AGPAT5: variants seen among roughly 807,000 people sequenced by gnomAD.
AGPAT5 encodes 1-acyl-sn-glycerol-3-phosphate acyltransferase epsilon.
Under a neutral mutation model 45.6 loss-of-function variants are expected in AGPAT5, and 46 were observed. The ratio of observed to expected loss-of-function variants is 1.01; its 90% CI spans 0.80 to 1.29. The LOEUF is 1.29. AGPAT5 is among the 50% of genes most tolerant of loss of function. The probability of loss-of-function intolerance (pLI) is 0.00; values close to 1 mark genes in which losing one functional copy is unlikely to be tolerated. For synonymous variants in AGPAT5, 272 were observed against 167.0 expected, an observed-to-expected ratio of 1.63 and a Z score of -4.85; for missense variants, 673 against 450.7, an observed-to-expected ratio of 1.49 and a Z score of -4.47.
Position 6,761,049 on chromosome 8 carries a change from A to T in AGPAT5, c.*3661A>T, listed in dbSNP as rs1316053304. On this transcript the variant is annotated 3_prime_UTR_variant, in exon 8 of 8. Transcript: ENST00000285518. ...CTATTCCTGTAGCAACTGGGGAGTC[A>T]TATATGAGGTCAAAGACATATACCT... 7.2e-5 allele frequency among the ~76,000 whole-genome samples: 11 copies of T among 152,220 alleles called. No individual in the cohort carries two copies. The highest frequency in any genetic ancestry group is 7.2e-4 in the Admixed American group (11 of 15,274).
At chr8:6,746,979 C>A (rs1459315293) in intron 5 of AGPAT5, among the ~76,000 whole-genome samples, 2 of 152,138 alleles carry the variant, frequency 1.3e-5, no homozygotes, top group Admixed American at 6.5e-5. Context: ...GCTAAAGAAC[C>A]TTTTAAAAAT....
At chr8:6,750,200 G>T (rs760132881) in intron 6 of AGPAT5, among the ~76,000 whole-genome samples, 85 of 152,188 alleles carry the variant, frequency 5.6e-4, no homozygotes, top group Non-Finnish European at 9.8e-4. Context: ...GATGGCGTGT[G>T]TTACAGTGCT....
rs1237904420 is a variant in AGPAT5 at position 6,760,970 on chromosome 8, C to T, written c.*3582C>T. Among the ~76,000 whole-genome samples, 2 of 152,102 alleles carry T rather than the reference C, an allele frequency of 1.3e-5. No homozygotes were observed. The highest frequency in any genetic ancestry group is 1.9e-4 in the East Asian group (1 of 5,202). On this transcript the variant is annotated 3_prime_UTR_variant, in exon 8 of 8. Coordinates refer to ENST00000285518, the MANE Select transcript of AGPAT5 (RefSeq NM_018361.5). ...TCAGTTTAGAGTAGCTACAACTCTTCGATACTATCATCAATATTTGACATC... is the reference window on the plus strand; with the variant it reads ...TCAGTTTAGAGTAGCTACAACTCTTTGATACTATCATCAATATTTGACATC...
intron 1 of AGPAT5, among the ~76,000 whole-genome samples, chr8:6,723,185 A>G (rs560009437): frequency 5.7e-4 from 86 of 152,168 alleles, no homozygotes; most frequent in Non-Finnish European, 1.0e-3. Context: ...AATTCAGTAA[A>G]CATCTGTTAA....
intron 5 of AGPAT5, among the ~76,000 whole-genome samples, chr8:6,742,828 T>C (rs2928576): frequency 0.76 from 115,149 of 152,090 alleles, 44,754 homozygotes; most frequent in African/African-American, 0.93. Context: ...GTAAGGAGTG[T>C]TTCAGAATAG....
chr8:6,717,367 G>A (rs540717498), intron 1 of AGPAT5, among the ~76,000 whole-genome samples: 32 of 152,228 alleles, frequency 2.1e-4, no homozygotes, highest in Non-Finnish European at 3.4e-4. Flanking sequence ...TTCCAGGGGC[G>A]GAAAGAAAGG....
chr8:6,746,581 G>A (rs1241006423), intron 5 of AGPAT5, among the ~76,000 whole-genome samples: 2 of 152,132 alleles, frequency 1.3e-5, no homozygotes, highest in African/African-American at 2.4e-5. Context: ...AGCTTGGTGT[G>A]CGATTGAGAT....
chr8:6,727,641 A>G (rs956360431), intron 2 of AGPAT5, among the ~76,000 whole-genome samples: 11 of 152,302 alleles, frequency 7.2e-5, no homozygotes, highest in Non-Finnish European at 4.4e-5. Flanking sequence ...TCGGCCTCCC[A>G]AAGTGCAGGG....
At chr8:6,728,532 C>G (rs1236384373) in intron 2 of AGPAT5, among the ~76,000 whole-genome samples, 3 of 152,210 alleles carry the variant, frequency 2.0e-5, no homozygotes, top group Non-Finnish European at 4.4e-5. Context: ...GGAAATCTTA[C>G]ACTTTCTCTT....
intron 7 of AGPAT5, among the ~76,000 whole-genome samples, chr8:6,756,852 A>T (rs879942593): frequency 6.6e-6 from 1 of 152,210 alleles, no homozygotes; most frequent in African/African-American, 2.4e-5. Context: ...GTTATTAGCC[A>T]TTTGTGAGTC....
intron 1 of AGPAT5, among the ~76,000 whole-genome samples, chr8:6,715,475 TGA>T (rs1339424945): frequency 1.3e-5 from 2 of 152,210 alleles, no homozygotes; most frequent in Non-Finnish European, 2.9e-5. Context: ...TCGCAGTTAG[TGA>T]GTGCTGCTGT....
rs373925319 is a variant in AGPAT5, at chr8:6,727,371, TTTTGACAACAC to T, written c.289+2437_289+2447del. Reference sequence around the variant, plus strand: ...TTCCCCTTATCCTTCAACTATCTACTTTTGACAACACTTTGCCTTTTTTTTTTTGAGATGGA... The same window carrying T: ...TTCCCCTTATCCTTCAACTATCTACTTTTGCCTTTTTTTTTTTGAGATGGA... On this transcript the variant is annotated intron_variant, in intron 2 of 7. Coordinates refer to ENST00000285518, the MANE Select transcript of AGPAT5 (RefSeq NM_018361.5). 6.8e-3 allele frequency among the ~76,000 whole-genome samples: 1,033 copies of T among 152,230 alleles called. 10 individuals carry two copies. The highest frequency in any genetic ancestry group is 0.024 in the African/African-American group (1,005 of 41,534).
Position 6,760,590 on chromosome 8 carries a change from A to T in AGPAT5, c.*3202A>T, listed in dbSNP as rs529102700. Among the ~76,000 whole-genome samples, 49 of 152,318 alleles carry T rather than the reference A, an allele frequency of 3.2e-4. No homozygotes were observed. In the South Asian group the frequency reaches 5.6e-3, roughly 17 times the overall value. On this transcript the variant is annotated 3_prime_UTR_variant, in exon 8 of 8. Transcript: ENST00000285518. The stretch of plus-strand genomic sequence containing the variant: ...TTGTTTTTAGTAGTGTTTAGATTGA[A>T]GATTGAGTGAAATATTTTCTTGGCA...
intron 4 of AGPAT5, among the ~76,000 whole-genome samples, chr8:6,740,036 T>C (rs1801191630): frequency 6.6e-6 from 1 of 152,138 alleles, no homozygotes; most frequent in Non-Finnish European, 1.5e-5. Context: ...GGACCATATG[T>C]GTTGTTATCC....
intron 2 of AGPAT5, 51 bp from the exon 3 acceptor site, chr8:6,730,660 A>G (rs375065662): frequency 8.2e-7 from 1 of 1,224,252 alleles, no homozygotes; most frequent in Non-Finnish European, 1.2e-6. Flanking sequence ...CATTCATAGT[A>G]CAACCTGTGA....
chr8:6,748,139 C>G lies in AGPAT5; in HGVS notation c.745+311C>G, dbSNP rs750784430. On this transcript the variant is annotated intron_variant, in intron 6 of 7. Coordinates refer to ENST00000285518, the MANE Select transcript of AGPAT5 (RefSeq NM_018361.5). Reference sequence around the variant, plus strand: ...GAGGAAGACGTGAAGAAGGAGCACGCCCGGCAGTACTGAGTGCACGTTATT... The same window carrying G: ...GAGGAAGACGTGAAGAAGGAGCACGGCCGGCAGTACTGAGTGCACGTTATT... Among the ~76,000 whole-genome samples the G allele has an allele frequency of 1.3e-3, 200 of 152,240 alleles. 3 individuals carry two copies. The highest frequency in any genetic ancestry group is 2.3e-3 in the Non-Finnish European group (157 of 68,022).
chr8:6,715,367 G>T (rs147939860), intron 1 of AGPAT5, among the ~76,000 whole-genome samples: 140 of 152,244 alleles, frequency 9.2e-4, no homozygotes, highest in African/African-American at 3.3e-3. Context: ...TGGATGTTAA[G>T]ATTGAAAAGA....
At chr8:6,735,022 G>C (rs1015579864) in intron 4 of AGPAT5, among the ~76,000 whole-genome samples, 9 of 152,094 alleles carry the variant, frequency 5.9e-5, no homozygotes, top group African/African-American at 2.2e-4. Context: ...TCGCTAGTTT[G>C]GTGGTAGAAG....
chr8:6,718,773 G>C lies in AGPAT5; in HGVS notation c.220-6097G>C, dbSNP rs555991254. 3.3e-5 allele frequency among the ~76,000 whole-genome samples: 5 copies of C among 152,334 alleles called. No homozygotes were observed. The South Asian group carries it at 6.2e-4, about 19-fold the overall frequency. On this transcript the variant is annotated intron_variant, in intron 1 of 7. Coordinates refer to ENST00000285518, the MANE Select transcript of AGPAT5 (RefSeq NM_018361.5). ...GAGAGTACAGTCAGTCAGAGAACTT[G>C]CTAGGCCACCTCTCAGGTTATTCTT...
Sources: allele counts gnomAD v4.1 joint callset (sites outside exome capture counted in the v4.1 genomes callset), GRCh38; gene constraint gnomAD v4.1.1; transcripts MANE v1.5; gene names NCBI Gene and HGNC (gene_info 2026-07-23, HGNC 2026-07-21).